Variants in GNAS observed in about 807,000 individuals in gnomAD.
GNAS encodes the protein protein ALEX.
Under a neutral mutation model 54.5 loss-of-function variants are expected in GNAS, and 8 were observed. The observed-to-expected ratio is 0.15, with a 90% confidence interval of 0.09 to 0.26. The LOEUF is 0.26. Among genes scored for constraint, GNAS ranks in the 10% least tolerant of loss-of-function variants. GNAS has a pLI of 1.00. For missense variants in GNAS, 170 were observed against 529.8 expected (o/e 0.32, Z 6.67); for synonymous variants, 204 against 191.4 (o/e 1.07, Z -0.54).
chr20:58,848,253 T>G (rs1204809904), intron 1 of GNAS, among the ~76,000 whole-genome samples: 4 of 152,110 alleles, frequency 2.6e-5, no homozygotes, highest in African/African-American at 4.8e-5. Flanking sequence ...CGACAGCCAA[T>G]CCTGTCCTCC....
intron 1 of GNAS, among the ~76,000 whole-genome samples, chr20:58,872,600 T>C (rs1472932091): frequency 6.6e-6 from 1 of 152,092 alleles, no homozygotes; most frequent in Non-Finnish European, 1.5e-5. Context: ...CTCCCCACTT[T>C]GAAAAACAAG....
chr20:58,883,902 C>T (rs1165214519), intron 1 of GNAS, among the ~76,000 whole-genome samples: 1 of 152,186 alleles, frequency 6.6e-6, no homozygotes, highest in Non-Finnish European at 1.5e-5. Context: ...ATAGGTGGAG[C>T]TAAGCGGTAA....
Position 58,841,803 on chromosome 20 carries a change from G to A in GNAS, c.43+917G>A, listed in dbSNP as rs1300071902. On this transcript the variant is annotated intron_variant, in intron 1 of 12. Coordinates refer to the GNAS transcript ENST00000306090. This position sits in a 1 kb window ranked among gnomAD's most constrained non-coding sequence, Gnocchi z 5.0. ...CTGGTCGGGTGGCCAGGCTGCATGC[G>A]GCTTAGCAGGAGACGTCCTGGGCTG... is the stretch of plus-strand genomic sequence containing the variant. The A allele has an allele frequency of 1.6e-6, 2 of 1,230,716 alleles. No individual in the cohort carries two copies. Among genetic ancestry groups the A allele is most frequent in the Middle Eastern group, 3.1e-4 (1 of 3,230 alleles). 76.2% of individuals were successfully genotyped at this position (1,230,716 alleles called of 1,614,324 possible).
upstream of GNAS, chr20:58,840,503 CCCA>C (rs757317986): frequency 5.0e-6 from 8 of 1,613,238 alleles, no homozygotes; most frequent in African/African-American, 5.3e-5. This position sits in a 1 kb window ranked among gnomAD's most constrained non-coding sequence, Gnocchi z 6.0. Flanking sequence ...TGAGACCGCC[CCCA>C]CCACTGAGCC....
At chr20:58,878,840 G>A (rs1021126391) in intron 1 of GNAS, among the ~76,000 whole-genome samples, 24 of 151,522 alleles carry the variant, frequency 1.6e-4, no homozygotes, top group Non-Finnish European at 2.8e-4. Flanking sequence ...GCTTATGACC[G>A]CGTGGCTGCT....
chr20:58,889,146 C>T (rs865947378), upstream of GNAS: 91 of 1,206,300 alleles, frequency 7.5e-5, 1 homozygote, highest in Middle Eastern at 1.4e-3. Flanking sequence ...TCATCGGGGC[C>T]GGTTAGAAGC....
intron 3 of GNAS, chr20:58,900,327 T>A: frequency 3.6e-6 from 1 of 274,786 alleles, no homozygotes; most frequent in East Asian, 5.7e-5. Flanking sequence ...TACCTTGGCC[T>A]GCACGTCTCT....
chr20:58,843,729 A>C (rs2085832929), intron 1 of GNAS, among the ~76,000 whole-genome samples: 2 of 152,254 alleles, frequency 1.3e-5, no homozygotes, highest in Non-Finnish European at 1.5e-5. Flanking sequence ...CCTTTAGTAC[A>C]TTAATCATTT....
upstream of GNAS, chr20:58,840,518 G>T: frequency 6.2e-7 from 1 of 1,613,562 alleles, no homozygotes; most frequent in Admixed American, 1.7e-5. This position sits in a 1 kb window ranked among gnomAD's most constrained non-coding sequence, Gnocchi z 6.0. Context: ...CACTGAGCCC[G>T]AGACCGAGCC....
At position 58,841,839 on chromosome 20, in the gene GNAS, A is replaced by AACTCTGGAGGC; in HGVS notation, c.43+953_43+954insACTCTGGAGGC. ...AGACGTCCTGGGCTGTTTGCGCAGG[A>AACTCTGGAGGC]CCTCTGGAGGCCCTCGAGATCGTCG... On this transcript the variant is annotated intron_variant, in intron 1 of 12. Transcript: ENST00000306090. This position sits in a 1 kb window ranked among gnomAD's most constrained non-coding sequence, Gnocchi z 5.0. 1 of 1,230,832 alleles carries AACTCTGGAGGC rather than the reference A, an allele frequency of 8.1e-7. No homozygotes were observed. The highest frequency in any genetic ancestry group is 1.0e-6 in the Non-Finnish European group (1 of 987,928). 76.2% of individuals were successfully genotyped at this position (1,230,832 alleles called of 1,614,324 possible).
chr20:58,869,091 G>C (rs6064716), intron 1 of GNAS, among the ~76,000 whole-genome samples: 17,151 of 152,168 alleles, frequency 0.11, 1,005 homozygotes, highest in South Asian at 0.16. Flanking sequence ...AACTTTTAAC[G>C]AGTGGATCTG....
In GNAS at chr20:58,891,516, C is replaced by G; in HGVS notation, c.-211C>G. The stretch of plus-strand genomic sequence containing the variant: ...TCGAGGGGCGGGGAGCTGCGCGCGC[C>G]CCTCGGTCCGACCGACACCCTCCCC... On this transcript the variant is annotated 5_prime_UTR_variant, in exon 1 of 13. Transcript: ENST00000371085. 1.0e-6 allele frequency: 1 copy of G among 975,910 alleles called. No homozygotes were observed. Among genetic ancestry groups the G allele is most frequent in the African/African-American group, 1.8e-5 (1 of 56,344 alleles). 60.5% of individuals were successfully genotyped at this position (975,910 alleles called of 1,614,324 possible).
chr20:58,895,335 CCACAATTTTTTAAA>C, intron 1 of GNAS: 1 of 451,198 alleles, frequency 2.2e-6, no homozygotes, highest in Non-Finnish European at 4.1e-6. Flanking sequence ...CAACACCACC[CCACAATTTTTTAAA>C]CAATCAAAAG....
Position 58,840,933 on chromosome 20 carries a change from G to A in GNAS, c.43+47G>A. 1 of 1,599,558 alleles carries A rather than the reference G, an allele frequency of 6.3e-7. No individual in the cohort carries two copies. Among genetic ancestry groups the A allele is most frequent in the South Asian group, 1.1e-5 (1 of 89,846 alleles). On this transcript the variant is annotated intron_variant, in intron 1 of 12. Transcript: ENST00000306090. This position sits in a 1 kb window ranked among gnomAD's most constrained non-coding sequence, Gnocchi z 6.0. Reference sequence around the variant, plus strand: ...TGGGGAGCCTGAGGGCGGTGTGGGAGCAGCGCAGGTGGAAAGGAGGTGAGA... The same window carrying A: ...TGGGGAGCCTGAGGGCGGTGTGGGAACAGCGCAGGTGGAAAGGAGGTGAGA...
intron 1 of GNAS, among the ~76,000 whole-genome samples, chr20:58,850,240 C>T (rs979620345): frequency 6.6e-6 from 1 of 152,194 alleles, no homozygotes; most frequent in Non-Finnish European, 1.5e-5. Flanking sequence ...GAGTTCTTTT[C>T]TTCCATTTGT....
chr20:58,840,680 G>C, upstream of GNAS: 2 of 1,604,766 alleles, frequency 1.2e-6, no homozygotes, highest in Non-Finnish European at 8.5e-7. This position sits in a 1 kb window ranked among gnomAD's most constrained non-coding sequence, Gnocchi z 6.0. Context: ...CAGGGAAGGG[G>C]AGGAGCTCAA....
Position 58,910,680 on chromosome 20 carries a change from C to T in GNAS, c.1039-3C>T. The T allele has an allele frequency of 2.5e-6, 4 of 1,614,130 alleles. No individual in the cohort carries two copies. The highest frequency in any genetic ancestry group is 3.4e-6 in the Non-Finnish European group (4 of 1,180,010). ...TGACAAGTCCCCTTGTTTGTGCCCGCAGAGGATCAGCACTGCCAGTGGAGA... is the reference window on the plus strand; with the variant it reads ...TGACAAGTCCCCTTGTTTGTGCCCGTAGAGGATCAGCACTGCCAGTGGAGA... On this transcript the variant is annotated splice_polypyrimidine_tract_variant and splice_region_variant and intron_variant, in intron 12 of 12. Transcript: ENST00000371085. The surrounding 1 kb of genome is among the most constrained non-coding windows in gnomAD (Gnocchi z 5.8).
intron 2 of GNAS, chr20:58,898,728 G>A (rs1403656351): frequency 1.6e-6 from 1 of 642,846 alleles, no homozygotes; most frequent in African/African-American, 1.8e-5. Context: ...CAGCAAAGGT[G>A]TGGGATTCTT....
At position 58,856,837 on chromosome 20, in the gene GNAS, C is replaced by T. The variant is rs938499315; in HGVS notation, c.43+15951C>T. 6.6e-6 allele frequency: 1 copy of T among 152,076 alleles called. No homozygotes were observed. The highest frequency in any genetic ancestry group is 1.5e-5 in the Non-Finnish European group (1 of 68,040). 9.4% of individuals were successfully genotyped at this position (152,076 alleles called of 1,614,324 possible). A position where few individuals can be genotyped will look rare whatever the true frequency, so the allele number is the denominator to read the frequency against. On this transcript the variant is annotated intron_variant, in intron 1 of 12. Transcript: ENST00000306090. The surrounding 1 kb of genome is among the most constrained non-coding windows in gnomAD (Gnocchi z 4.2). ...ACATTTCCCCACCTCTCGGTGCCCT[C>T]CCCTCTCCAGGATCCCCCTCCTCAC...
Sources: allele counts gnomAD v4.1 joint callset (sites outside exome capture counted in the v4.1 genomes callset), GRCh38; gene constraint gnomAD v4.1.1; non-coding constraint Gnocchi (gnomAD v3.1); transcripts MANE v1.5; gene names NCBI Gene and HGNC (gene_info 2026-07-23, HGNC 2026-07-21).